NAPG: variants seen among roughly 807,000 people sequenced by gnomAD.
NAPG encodes the protein gamma-soluble NSF attachment protein.
NAPG carries 25 observed loss-of-function variants against 48.4 expected under a neutral mutation model. The ratio of observed to expected loss-of-function variants is 0.52; its 90% CI spans 0.38 to 0.72. NAPG has a LOEUF of 0.72. NAPG is among the 30% of genes least tolerant of loss of function. The probability of loss-of-function intolerance (pLI) is 0.00; values close to 1 mark genes in which losing one functional copy is unlikely to be tolerated. For missense variants in NAPG, 359 were observed against 372.5 expected, an observed-to-expected ratio of 0.96 and a Z score of 0.30; for synonymous variants, 139 against 127.2, an observed-to-expected ratio of 1.09 and a Z score of -0.62.
At position 10,534,263 on chromosome 18, in the gene NAPG, A is replaced by G. The variant is rs189348201; in HGVS notation, c.228-203A>G. 3.9e-5 allele frequency among the ~76,000 whole-genome samples: 6 copies of G among 152,324 alleles called. No homozygotes were observed. Among genetic ancestry groups the G allele is most frequent in the Non-Finnish European group, 8.8e-5 (6 of 68,018 alleles). On this transcript the variant is annotated intron_variant, in intron 4 of 11. Coordinates refer to ENST00000322897, the MANE Select transcript of NAPG (RefSeq NM_003826.3). The surrounding 1 kb of genome is among the most constrained non-coding windows in gnomAD (Gnocchi z 5.0). ...GCAAAATAAAATCTCTTTAACTCAA[A>G]TGTCTGATGTTCTAAGCCATTATTC... is the stretch of plus-strand genomic sequence containing the variant.
At position 10,552,090 on chromosome 18, in the gene NAPG, T is replaced by C. The variant is rs939104684; in HGVS notation, c.*1870T>C. ...CTGTTTAAACAGATTTGGCAATACT[T>C]TAAAGATACTGTAGACTATTTATGT... On this transcript the variant is annotated 3_prime_UTR_variant, in exon 12 of 12. Coordinates refer to ENST00000322897, the MANE Select transcript of NAPG (RefSeq NM_003826.3). The C allele has an allele frequency of 1.1e-4, 17 of 152,216 alleles. No individual in the cohort carries two copies. The highest frequency in any genetic ancestry group is 3.1e-4 in the African/African-American group (13 of 41,460). The allele number at this position is 152,216 out of a possible 1,614,324, so 9.4% of individuals were successfully genotyped here. A position where few individuals can be genotyped will look rare whatever the true frequency, so the allele number is the denominator to read the frequency against.
rs372477827 is a variant in NAPG at position 10,548,527 on chromosome 18, G to T, written c.665+149G>T. On this transcript the variant is annotated intron_variant, in intron 10 of 11. Transcript: ENST00000322897. The surrounding 1 kb of genome is among the most constrained non-coding windows in gnomAD (Gnocchi z 4.4). ...ATCTACCATTTCATCTTTTACAGTG[G>T]GTGTTTTACACCTTTTTTTTTTTTC... 2 of 597,846 alleles carry T rather than the reference G, an allele frequency of 3.3e-6. No homozygotes were observed. Among genetic ancestry groups the T allele is most frequent in the Non-Finnish European group, 2.8e-6 (1 of 358,258 alleles). 37.0% of individuals were successfully genotyped at this position (597,846 alleles called of 1,614,324 possible).
In NAPG at chr18:10,551,791, C is replaced by T. The variant is rs1187294892; in HGVS notation, c.*1571C>T. On this transcript the variant is annotated 3_prime_UTR_variant, in exon 12 of 12. Transcript: ENST00000322897. ...CTCCTTTGGGAGGTGGTCTCGGGTG[C>T]GTGGATGTTGGTATACAGTCTTTAT... 1 of 152,052 alleles carries T rather than the reference C, an allele frequency of 6.6e-6. No homozygotes were observed. Among genetic ancestry groups the T allele is most frequent in the Admixed American group, 6.6e-5 (1 of 15,260 alleles). The allele number at this position is 152,052 out of a possible 1,614,324, so 9.4% of individuals were successfully genotyped here.
intron 8 of NAPG, chr18:10,540,704 A>C (rs2032137550): frequency 8.5e-6 from 2 of 234,552 alleles, no homozygotes; most frequent in Non-Finnish European, 1.6e-5. Context: ...GGATTATAAT[A>C]TCTCTCTCAA....
Position 10,542,044 on chromosome 18 carries a change from G to T in NAPG, c.506+1645G>T, listed in dbSNP as rs549164892. Among the ~76,000 whole-genome samples the T allele has an allele frequency of 6.6e-6, 1 of 152,170 alleles. No homozygotes were observed. The highest frequency in any genetic ancestry group is 2.1e-4 in the South Asian group (1 of 4,832). On this transcript the variant is annotated intron_variant, in intron 8 of 11. Transcript: ENST00000322897. This position sits in a 1 kb window ranked among gnomAD's most constrained non-coding sequence, Gnocchi z 4.5. The stretch of plus-strand genomic sequence containing the variant: ...CCTCAAAACATTACCAGTGTTGCCA[G>T]TCGGTTTGGACACATCTGATGAAAG...
chr18:10,535,107 TTGTC>T (rs2032005115), intron 5 of NAPG, among the ~76,000 whole-genome samples: 1 of 152,240 alleles, frequency 6.6e-6, no homozygotes, highest in African/African-American at 2.4e-5. Context: ...AATGAAGTAT[TTGTC>T]TTTCTTTTTT....
chr18:10,549,021 A>C lies in NAPG; in HGVS notation c.720A>C (p.Glu240Asp). The C allele has an allele frequency of 1.9e-6, 3 of 1,613,938 alleles. No individual in the cohort carries two copies. Among genetic ancestry groups the C allele is most frequent in the Non-Finnish European group, 2.5e-6 (3 of 1,179,832 alleles). ...EDCAALEQLL[E>D]GYDQQDQDQV... ...GTGCTGCCCTGGAACAGCTTCTTGAAGGTTATGACCAGCAAGACCAAGATC... is the reference window on the plus strand; with the variant it reads ...GTGCTGCCCTGGAACAGCTTCTTGACGGTTATGACCAGCAAGACCAAGATC... Residue 240 changes from glutamate (E) to aspartate (D), a missense_variant, in exon 11 of 12, where the codon GAA (glutamate) becomes GAC (aspartate). Coordinates refer to ENST00000322897, the MANE Select transcript of NAPG (RefSeq NM_003826.3).
In NAPG at chr18:10,539,669, TAAAATA is replaced by T. The variant is rs2032106624; in HGVS notation, c.259-88_259-83del. 9.4e-7 allele frequency: 1 copy of T among 1,058,680 alleles called. No homozygotes were observed. Among genetic ancestry groups the T allele is most frequent in the Non-Finnish European group, 1.4e-6 (1 of 704,462 alleles). 65.6% of individuals were successfully genotyped at this position (1,058,680 alleles called of 1,614,324 possible). A position where few individuals can be genotyped will look rare whatever the true frequency, so the allele number is the denominator to read the frequency against. On this transcript the variant is annotated intron_variant, in intron 5 of 11. Transcript: ENST00000322897. This position sits in a 1 kb window ranked among gnomAD's most constrained non-coding sequence, Gnocchi z 4.7. The stretch of plus-strand genomic sequence containing the variant: ...CATTCTGCACATGTGTCCCAGAACT[TAAAATA>T]AAAAATAATTGCATTTCAGATTGTT...
At position 10,534,552 on chromosome 18, in the gene NAPG, G is replaced by A. The variant is rs2031994622; in HGVS notation, c.258+56G>A. The A allele has an allele frequency of 5.8e-6, 9 of 1,545,530 alleles. No homozygotes were observed. Among genetic ancestry groups the A allele is most frequent in the Admixed American group, 3.4e-5 (2 of 59,192 alleles). ...AGGTAAAATGAATTAACTACAAGGT[G>A]TTAAACAAGAATTTTTGTTGAAGTT... On this transcript the variant is annotated intron_variant, in intron 5 of 11. Coordinates refer to ENST00000322897, the MANE Select transcript of NAPG (RefSeq NM_003826.3). This position sits in a 1 kb window ranked among gnomAD's most constrained non-coding sequence, Gnocchi z 5.0.
chr18:10,531,704 C>T (rs899381733), intron 2 of NAPG, among the ~76,000 whole-genome samples: 3 of 152,116 alleles, frequency 2.0e-5, no homozygotes, highest in Non-Finnish European at 4.4e-5. Context: ...ATTTTGTGGA[C>T]TACTCATGCA....
chr18:10,546,448 T>C lies in NAPG; in HGVS notation c.585+44T>C. 1 of 1,125,602 alleles carries C rather than the reference T, an allele frequency of 8.9e-7. No homozygotes were observed. 69.7% of individuals were successfully genotyped at this position (1,125,602 alleles called of 1,614,324 possible). ...TGTTTTTGGTATTACATTAGATGAT[T>C]TTTTATACTGGTATGAATAAGTACT... On this transcript the variant is annotated intron_variant, in intron 9 of 11. Transcript: ENST00000322897. This position sits in a 1 kb window ranked among gnomAD's most constrained non-coding sequence, Gnocchi z 4.0.
chr18:10,547,816 A>T (rs368021046), intron 9 of NAPG, among the ~76,000 whole-genome samples: 1 of 152,208 alleles, frequency 6.6e-6, no homozygotes, highest in Admixed American at 6.5e-5. Flanking sequence ...TGACTTATCA[A>T]TACTATCATT....
Position 10,552,698 on chromosome 18 carries a change from T to A in NAPG, c.*2478T>A, listed in dbSNP as rs570312058. 6.6e-6 allele frequency: 1 copy of A among 152,366 alleles called. No individual in the cohort carries two copies. Among genetic ancestry groups the A allele is most frequent in the South Asian group, 2.1e-4 (1 of 4,828 alleles). The allele number at this position is 152,366 out of a possible 1,614,324, so 9.4% of individuals were successfully genotyped here. ...ATGAGTAGAATATTAAATGTGTTGT[T>A]ATGGAAATACAGATTATTGCTTCTA... On this transcript the variant is annotated 3_prime_UTR_variant, in exon 12 of 12. Transcript: ENST00000322897.
chr18:10,533,800 G>GA (rs34623906), intron 4 of NAPG, among the ~76,000 whole-genome samples: 59,386 of 151,882 alleles, frequency 0.39, 12,038 homozygotes, highest in African/African-American at 0.5. Flanking sequence ...TAGCCTATGG[G>GA]AAAAAAATAA....
At chr18:10,527,508 C>T (rs1048774014) in intron 1 of NAPG, among the ~76,000 whole-genome samples, 1 of 152,000 alleles carries the variant, frequency 6.6e-6, no homozygotes, top group African/African-American at 2.4e-5. Context: ...TGGGAGCAAA[C>T]GCAAAATTTG....
rs1211619657 is a variant in NAPG, at chr18:10,543,433, G to A, written c.507-2893G>A. 6.6e-6 allele frequency among the ~76,000 whole-genome samples: 1 copy of A among 152,178 alleles called. No individual in the cohort carries two copies. Among genetic ancestry groups the A allele is most frequent in the Non-Finnish European group, 1.5e-5 (1 of 68,022 alleles). ...CTTGCATAACTGTTCTGTCCATGGT[G>A]CCATCAATAACTGAGATAAGGAATA... is the stretch of plus-strand genomic sequence containing the variant. On this transcript the variant is annotated intron_variant, in intron 8 of 11. Coordinates refer to ENST00000322897, the MANE Select transcript of NAPG (RefSeq NM_003826.3). This position sits in a 1 kb window ranked among gnomAD's most constrained non-coding sequence, Gnocchi z 4.4.
chr18:10,530,667 CT>C (rs71169932), intron 1 of NAPG, 102 bp from the exon 2 acceptor site: 167,474 of 476,238 alleles, frequency 0.35, 7,623 homozygotes, highest in East Asian at 0.41. Flanking sequence ...ATGGTTTCTC[CT>C]TTTTTTTTTT....
At chr18:10,541,674 T>C (rs1300900243) in intron 8 of NAPG, among the ~76,000 whole-genome samples, 1 of 152,166 alleles carries the variant, frequency 6.6e-6, no homozygotes, top group African/African-American at 2.4e-5. Flanking sequence ...TCTCATCTCC[T>C]GATGCTCCCC....
In NAPG at chr18:10,540,417, A is replaced by T; in HGVS notation, c.506+18A>T. On this transcript the variant is annotated intron_variant, in intron 8 of 11. Coordinates refer to ENST00000322897, the MANE Select transcript of NAPG (RefSeq NM_003826.3). The stretch of plus-strand genomic sequence containing the variant: ...GGACGTAGGTATGTCTTTAAAAACT[A>T]TTGCTGTGTGTTTAACTATACTTTG... 6.3e-7 allele frequency: 1 copy of T among 1,599,266 alleles called. No individual in the cohort carries two copies. Among genetic ancestry groups the T allele is most frequent in the Non-Finnish European group, 8.6e-7 (1 of 1,169,044 alleles).
Sources: allele counts gnomAD v4.1 joint callset (sites outside exome capture counted in the v4.1 genomes callset), GRCh38; gene constraint gnomAD v4.1.1; non-coding constraint Gnocchi (gnomAD v3.1); transcripts MANE v1.5; gene names NCBI Gene and HGNC (gene_info 2026-07-23, HGNC 2026-07-21).